The following NBDY variants were observed in gnomAD, a reference collection of about 807,000 sequenced individuals.
NBDY encodes the protein negative regulator of P-body association, also known as P-body dissociating protein.
At chrX:56,787,026 G>T (rs758995560) in intron 2 of NBDY, among the ~76,000 whole-genome samples, 1 of 111,112 alleles carries the variant, frequency 9.0e-6, no homozygotes, top group South Asian at 3.8e-4. Context: ...GTGTAATTCT[G>T]AGTCATTATG....
At chrX:56,749,471 G>A (rs754840823) in intron 2 of NBDY, among the ~76,000 whole-genome samples, 12 of 111,091 alleles carry the variant, frequency 1.1e-4, no homozygotes, top group African/African-American at 3.9e-4. Flanking sequence ...ATCTTATCAA[G>A]AATGTTTATC....
At chrX:56,791,339 C>T (rs753189839) in intron 2 of NBDY, among the ~76,000 whole-genome samples, 1 of 112,095 alleles carries the variant, frequency 8.9e-6, no homozygotes, top group Non-Finnish European at 1.9e-5. Context: ...CCTCCCATTT[C>T]TGCTCTGTCT....
chrX:56,763,820 C>CT lies in NBDY; in HGVS notation c.*166+31630dup, dbSNP rs779028679. Among the ~76,000 whole-genome samples, 54 of 111,567 alleles carry CT rather than the reference C, an allele frequency of 4.8e-4. No homozygotes were observed. In the South Asian group the frequency reaches 8.9e-3, roughly 18 times the overall value. On this transcript the variant is annotated intron_variant, in intron 2 of 2. Transcript: ENST00000374922. ...TGACTGATTCCTTTCACTCCTCTGT[C>CT]TTTTTTTTTGTTTCTCTTTCCTCTT...
intron 2 of NBDY, among the ~76,000 whole-genome samples, chrX:56,750,103 G>A (rs1033410884): frequency 9.0e-6 from 1 of 111,488 alleles, no homozygotes; most frequent in African/African-American, 3.3e-5. Context: ...GGAAACCATT[G>A]GCACAGGAGA....
intron 2 of NBDY, among the ~76,000 whole-genome samples, chrX:56,755,044 A>G (rs910430763): frequency 4.5e-5 from 5 of 111,854 alleles, no homozygotes; most frequent in Admixed American, 3.8e-4. Flanking sequence ...TGGGGAAACA[A>G]TTCCCTATTT....
chrX:56,740,060 A>G (rs747393002), intron 2 of NBDY, among the ~76,000 whole-genome samples: 1 of 111,733 alleles, frequency 8.9e-6, no homozygotes, highest in Non-Finnish European at 1.9e-5. Context: ...ATTTATTTTA[A>G]TACCCAAATT....
Position 56,741,370 on chromosome X carries a change from G to T in NBDY, c.*166+9171G>T, listed in dbSNP as rs1381833609. Among the ~76,000 whole-genome samples the T allele has an allele frequency of 2.7e-5, 3 of 111,626 alleles. No individual in the cohort carries two copies. In the Admixed American group the frequency reaches 2.9e-4, roughly 11 times the overall value. On this transcript the variant is annotated intron_variant, in intron 2 of 2. Coordinates refer to ENST00000374922, the MANE Select transcript of NBDY (RefSeq NM_001348129.2). ...GGGGTATATACCCAGCAGTGGGATT[G>T]CTGGGTCATATGGTAGCTCAATTTT... is the stretch of plus-strand genomic sequence containing the variant.
At chrX:56,749,271 G>T (rs2069571698) in intron 2 of NBDY, among the ~76,000 whole-genome samples, 2 of 111,023 alleles carry the variant, frequency 1.8e-5, no homozygotes, top group Non-Finnish European at 3.8e-5. Flanking sequence ...AAGACAGCCT[G>T]CACAATGAAA....
chrX:56,738,727 G>A (rs551948995), intron 2 of NBDY, among the ~76,000 whole-genome samples: 1 of 111,807 alleles, frequency 8.9e-6, no homozygotes, highest in Admixed American at 9.4e-5. Flanking sequence ...GAGTTAGGGT[G>A]TGCCACCCTC....
chrX:56,803,303 T>C (rs2069833554), intron 2 of NBDY, among the ~76,000 whole-genome samples: 1 of 111,458 alleles, frequency 9.0e-6, no homozygotes, highest in Non-Finnish European at 1.9e-5. Flanking sequence ...GCAGGAGTCG[T>C]CCCGCCCACA....
At chrX:56,810,796 G>T (rs1304019927) in intron 2 of NBDY, among the ~76,000 whole-genome samples, 3 of 110,491 alleles carry the variant, frequency 2.7e-5, no homozygotes, top group Non-Finnish European at 5.7e-5. Context: ...TCCTTTGCTG[G>T]TGAGGAGTTA....
At chrX:56,754,706 G>A (rs1468341173) in intron 2 of NBDY, among the ~76,000 whole-genome samples, 1 of 111,299 alleles carries the variant, frequency 9.0e-6, no homozygotes, top group African/African-American at 3.3e-5. Flanking sequence ...TGCTCAGAGG[G>A]AAATTTGTAG....
intron 2 of NBDY, among the ~76,000 whole-genome samples, chrX:56,790,653 C>T (rs1226225698): frequency 8.9e-6 from 1 of 112,022 alleles, no homozygotes; most frequent in Non-Finnish European, 1.9e-5. Context: ...CAGAGGTCCT[C>T]GTTTTTAACT....
intron 2 of NBDY, among the ~76,000 whole-genome samples, chrX:56,783,539 G>T (rs1477141564): frequency 8.9e-6 from 1 of 112,229 alleles, no homozygotes; most frequent in Non-Finnish European, 1.9e-5. Flanking sequence ...GATCTGTCTC[G>T]GGGCCTCTAG....
intron 2 of NBDY, among the ~76,000 whole-genome samples, chrX:56,816,642 G>A (rs1257626570): frequency 9.1e-6 from 1 of 110,411 alleles, no homozygotes; most frequent in Non-Finnish European, 1.9e-5. Flanking sequence ...AAAACAAATT[G>A]CCGAAGTGTA....
intron 2 of NBDY, among the ~76,000 whole-genome samples, chrX:56,745,591 A>G (rs1203181376): frequency 9.0e-6 from 1 of 111,212 alleles, no homozygotes; most frequent in Non-Finnish European, 1.9e-5. Context: ...TATACTATCC[A>G]TATCAAGTTC....
intron 2 of NBDY, among the ~76,000 whole-genome samples, chrX:56,804,307 G>C (rs374331999): frequency 8.9e-6 from 1 of 112,009 alleles, no homozygotes; most frequent in Non-Finnish European, 1.9e-5. Context: ...CCAGGTGTCT[G>C]TCAGGATGAG....
At chrX:56,783,667 A>ACTCT (rs1487535809) in intron 2 of NBDY, among the ~76,000 whole-genome samples, 1 of 112,158 alleles carries the variant, frequency 8.9e-6, no homozygotes, top group Non-Finnish European at 1.9e-5. Context: ...ATTTTCGCGG[A>ACTCT]TCTCTGTGCC....
intron 2 of NBDY, among the ~76,000 whole-genome samples, chrX:56,782,753 C>T (rs1345953334): frequency 2.7e-5 from 3 of 111,514 alleles, no homozygotes; most frequent in Admixed American, 9.5e-5. Context: ...CACATTGATC[C>T]GGATTTCAGT....
Sources: allele counts gnomAD v4.1 joint callset (sites outside exome capture counted in the v4.1 genomes callset), GRCh38; gene constraint gnomAD v4.1.1; transcripts MANE v1.5; gene names NCBI Gene and HGNC (gene_info 2026-07-23, HGNC 2026-07-21).